The following UBE2G2 variants were observed in gnomAD, a reference collection of about 807,000 sequenced individuals.
UBE2G2 encodes the protein ubiquitin conjugating enzyme E2 G2.
A neutral mutation model predicts 23.0 loss-of-function variants in UBE2G2; 10 were observed. The ratio of observed to expected loss-of-function variants is 0.43; its 90% CI spans 0.27 to 0.74. UBE2G2 has a LOEUF of 0.74. Ranked by LOEUF, UBE2G2 falls within the 30% of genes least tolerant of loss-of-function variation. The probability of loss-of-function intolerance (pLI) is 0.19; values close to 1 mark genes in which losing one functional copy is unlikely to be tolerated. For missense variants in UBE2G2, 150 were observed against 218.3 expected, an observed-to-expected ratio of 0.69 and a Z score of 1.97; for synonymous variants, 86 against 81.3, an observed-to-expected ratio of 1.06 and a Z score of -0.31.
intron 1 of UBE2G2, among the ~76,000 whole-genome samples, chr21:44,799,389 A>C (rs191404550): frequency 6.6e-6 from 1 of 152,272 alleles, no homozygotes; most frequent in Non-Finnish European, 1.5e-5. Context: ...TATTTTACGT[A>C]CCTTGTAAAT....
At chr21:44,798,308 T>C (rs2146409266) in intron 1 of UBE2G2, among the ~76,000 whole-genome samples, 1 of 152,284 alleles carries the variant, frequency 6.6e-6, no homozygotes, top group Non-Finnish European at 1.5e-5. Flanking sequence ...CTGATCAGGG[T>C]GGTAGTTGCT....
rs374970745 is a variant in UBE2G2 at position 44,771,695 on chromosome 21, C to A, written c.386-206G>T. On this transcript the variant is annotated intron_variant, in intron 5 of 5. Transcript: ENST00000345496. The surrounding 1 kb of genome is among the most constrained non-coding windows in gnomAD (Gnocchi z 4.6). ...ACGAAAGCCACTCTCATGACTCCTG[C>A]GTTCTGAGTGTCTGAAGACACCAGG... Among the ~76,000 whole-genome samples the A allele has an allele frequency of 6.6e-6, 1 of 152,186 alleles. No homozygotes were observed. Among genetic ancestry groups the A allele is most frequent in the African/African-American group, 2.4e-5 (1 of 41,436 alleles).
At chr21:44,777,505 C>T (rs2082922109) in intron 3 of UBE2G2, 88 bp from the exon 4 acceptor site, 2 of 1,404,908 alleles carry the variant, frequency 1.4e-6, no homozygotes, top group African/African-American at 2.8e-5. Context: ...AACATTTTTA[C>T]CACTTTAAAA....
At chr21:44,791,789 G>C (rs1461256611) in intron 1 of UBE2G2, among the ~76,000 whole-genome samples, 2 of 152,172 alleles carry the variant, frequency 1.3e-5, no homozygotes, top group Admixed American at 1.3e-4. Context: ...GATCCACCAA[G>C]AGCTTTGCAC....
chr21:44,801,543 G>C (rs1350242996), intron 1 of UBE2G2, 163 bp downstream of exon 1: 17 of 1,152,292 alleles, frequency 1.5e-5, no homozygotes, highest in African/African-American at 1.6e-5. Context: ...AGAGTGGGCA[G>C]CGGGCGCAGG....
intron 1 of UBE2G2, among the ~76,000 whole-genome samples, chr21:44,788,524 C>T (rs542158368): frequency 3.9e-5 from 6 of 152,140 alleles, no homozygotes; most frequent in African/African-American, 1.4e-4. Context: ...CTCCTGACCT[C>T]GTGATCCGCC....
intron 1 of UBE2G2, among the ~76,000 whole-genome samples, chr21:44,789,459 G>A (rs983572066): frequency 6.6e-5 from 10 of 151,520 alleles, no homozygotes; most frequent in African/African-American, 2.2e-4. Context: ...ACAGAGCTAT[G>A]GAAATTAAGG....
At chr21:44,794,233 C>T (rs538862205) in intron 1 of UBE2G2, among the ~76,000 whole-genome samples, 22 of 152,194 alleles carry the variant, frequency 1.4e-4, no homozygotes, top group Admixed American at 4.6e-4. Context: ...TTGTTTAAGC[C>T]GTGCCCAGCC....
In UBE2G2 at chr21:44,787,961, G is replaced by A; in HGVS notation, c.84C>T (p.Pro28=). 6.2e-7 allele frequency: 1 copy of A among 1,612,290 alleles called. No individual in the cohort carries two copies. Among genetic ancestry groups the A allele is most frequent in the Non-Finnish European group, 8.5e-7 (1 of 1,179,548 alleles). The part of the protein sequence containing the change: ...LNPPEGIVAG[P]MNEENFFEWE... ...ATTCAAAAAAGTTCTCTTCATTCATGGGGCCTGTAGGGTGAGAAAAAATTT... is the reference window on the plus strand; with the variant it reads ...ATTCAAAAAAGTTCTCTTCATTCATAGGGCCTGTAGGGTGAGAAAAAATTT... The change falls in exon 3 of 6, where the codon CCC becomes CCT. Residue 28 remains proline (P), a synonymous_variant. Transcript: ENST00000345496.
chr21:44,789,553 G>A (rs2083027585), intron 1 of UBE2G2, among the ~76,000 whole-genome samples: 1 of 152,042 alleles, frequency 6.6e-6, no homozygotes, highest in African/African-American at 2.4e-5. Context: ...CAGAGACCCT[G>A]ACTCGAGGGA....
chr21:44,775,464 A>G (rs1197598117), intron 4 of UBE2G2: 2 of 152,242 alleles, frequency 1.3e-5, no homozygotes, highest in Non-Finnish European at 2.9e-5. Context: ...TAAAGTATTT[A>G]TTGACTAGTT....
At chr21:44,773,068 A>T (rs1229695829) in intron 5 of UBE2G2, among the ~76,000 whole-genome samples, 2 of 151,874 alleles carry the variant, frequency 1.3e-5, no homozygotes, top group African/African-American at 2.4e-5. Flanking sequence ...CTCCTACCTC[A>T]TCAACACCTA....
chr21:44,795,092 G>A (rs1337178067), intron 1 of UBE2G2, among the ~76,000 whole-genome samples: 1 of 151,840 alleles, frequency 6.6e-6, no homozygotes, highest in Admixed American at 6.6e-5. Flanking sequence ...GTGAAATCCC[G>A]TTTCTACTAA....
intron 3 of UBE2G2, among the ~76,000 whole-genome samples, chr21:44,779,371 T>TGGGGGGGGGGGGGGG (rs375243003): frequency 4.0e-5 from 3 of 75,340 alleles, no homozygotes; most frequent in Non-Finnish European, 7.7e-5. Flanking sequence ...GGAGCTGGGG[T>TGGGGGGGGGGGGGGG]GGGGGGGGGG....
At chr21:44,801,602 G>A (rs1340328387) in intron 1 of UBE2G2, 104 bp downstream of exon 1, 5 of 1,382,838 alleles carry the variant, frequency 3.6e-6, no homozygotes, top group Non-Finnish European at 4.7e-6. Context: ...GGAGGCCCCG[G>A]GCCCGGCTCC....
chr21:44,771,293 C>T lies in UBE2G2; in HGVS notation c.*84G>A. ...GCAAGTCTGCCTTGTTTGGTACCAG[C>T]ACAGAGCATCACTGTCACTAAGTGT... On this transcript the variant is annotated 3_prime_UTR_variant, in exon 6 of 6. Coordinates refer to ENST00000345496, the MANE Select transcript of UBE2G2 (RefSeq NM_003343.6). The surrounding 1 kb of genome is among the most constrained non-coding windows in gnomAD (Gnocchi z 4.6). 7.6e-7 allele frequency: 1 copy of T among 1,314,876 alleles called. No individual in the cohort carries two copies. 81.5% of individuals were successfully genotyped at this position (1,314,876 alleles called of 1,614,324 possible).
In UBE2G2 at chr21:44,773,674, C is replaced by T; in HGVS notation, c.258G>A (p.Gly86=). The change falls in exon 5 of 6, where the codon GGG becomes GGA. Residue 86 remains glycine, a synonymous_variant. Transcript: ENST00000345496. The part of the protein sequence containing the change: ...EMFHPNIYPD[G]RVCISILHAP... ...CGTGGAGGATGGAAATGCAGACTCT[C>T]CCATCAGGGTAGACTGCAAGGGTCA... 6.2e-7 allele frequency: 1 copy of T among 1,612,432 alleles called. No individual in the cohort carries two copies. The highest frequency in any genetic ancestry group is 1.3e-5 in the African/African-American group (1 of 75,072).
chr21:44,782,213 C>G (rs1488516850), intron 3 of UBE2G2, among the ~76,000 whole-genome samples: 6 of 152,186 alleles, frequency 3.9e-5, no homozygotes, highest in Non-Finnish European at 8.8e-5. Context: ...TCCAGCTTTT[C>G]TCTATGTGTG....
At chr21:44,783,950 T>C (rs2082975276) in intron 3 of UBE2G2, among the ~76,000 whole-genome samples, 1 of 152,072 alleles carries the variant, frequency 6.6e-6, no homozygotes, top group African/African-American at 2.4e-5. Flanking sequence ...AGGCCAGGAG[T>C]TCGAGACCAG....
Sources: gnomAD v4.1 joint callset for allele counts (sites outside exome capture counted in the v4.1 genomes callset) on GRCh38, gnomAD v4.1.1 for gene constraint, Gnocchi (gnomAD v3.1) non-coding constraint, MANE v1.5 for transcripts, NCBI Gene and HGNC (gene_info 2026-07-23, HGNC 2026-07-21) for gene names.